Variants in ENAM observed in about 807,000 individuals in gnomAD.
The protein encoded by ENAM is enamelin, also known as amelogenesis imperfecta 2, hypocalcification (autosomal dominant).
ENAM carries 21 observed loss-of-function variants against 33.6 expected under a neutral mutation model. That is an observed-to-expected ratio of 0.63 (90% confidence interval 0.44 to 0.90). The LOEUF is 0.90. Among genes scored for constraint, ENAM ranks in the 40% least tolerant of loss-of-function variants. The pLI is 0.00. For synonymous variants in ENAM, 473 were observed against 468.4 expected, an observed-to-expected ratio of 1.01 and a Z score of -0.13; for missense variants, 1,388 against 1,366.9, an observed-to-expected ratio of 1.02 and a Z score of -0.24.
intron 2 of ENAM, among the ~76,000 whole-genome samples, chr4:70,630,685 T>C (rs192056818): frequency 6.6e-5 from 10 of 152,228 alleles, no homozygotes; most frequent in Admixed American, 2.6e-4. Context: ...GAGATAAATT[T>C]ACTATTCTGC....
Position 70,642,680 on chromosome 4 carries a change from C to A in ENAM, c.1254C>A (p.Ala418=). The A allele has an allele frequency of 1.2e-6, 2 of 1,610,474 alleles. No homozygotes were observed. The highest frequency in any genetic ancestry group is 1.7e-6 in the Non-Finnish European group (2 of 1,178,720). ...PNKHPVGTTV[A]PLGPKPGPVV... is the part of the protein sequence containing the mutation. ...AACACCCTGTAGGAACTACTGTTGC[C>A]CCACTGGGTCCCAAACCTGGCCCTG... The change falls in exon 9 of 9, where the codon GCC becomes GCA. Residue 418 remains alanine, a synonymous_variant. Coordinates refer to ENST00000396073, the MANE Select transcript of ENAM (RefSeq NM_031889.3).
chr4:70,629,557 G>A lies in ENAM; in HGVS notation c.54+3G>A, dbSNP rs777978626. 1 of 1,609,884 alleles carries A rather than the reference G, an allele frequency of 6.2e-7. No individual in the cohort carries two copies. Among genetic ancestry groups the A allele is most frequent in the Non-Finnish European group, 8.5e-7 (1 of 1,176,350 alleles). On this transcript the variant is annotated splice_donor_region_variant and intron_variant, in intron 2 of 8. Coordinates refer to ENST00000396073, the MANE Select transcript of ENAM (RefSeq NM_031889.3). The stretch of plus-strand genomic sequence containing the variant: ...CTTTTCCTAAACTAGATAACTTGGT[G>A]AGTACTTTCATTTATTTTTGCCAAT...
Position 70,645,187 on chromosome 4 carries a change from C to A in ENAM, c.*332C>A. The A allele has an allele frequency of 4.0e-6, 2 of 500,366 alleles. No homozygotes were observed. Among genetic ancestry groups the A allele is most frequent in the Non-Finnish European group, 7.1e-6 (2 of 280,382 alleles). 31.0% of individuals were successfully genotyped at this position (500,366 alleles called of 1,614,324 possible). The stretch of plus-strand genomic sequence containing the variant: ...TTTTGCTCTCAAAGTTCCATACTTG[C>A]AAAATTGGTTTTTCAAGACTGAAAG... On this transcript the variant is annotated 3_prime_UTR_variant, in exon 9 of 9. Transcript: ENST00000396073.
chr4:70,637,505 T>C (rs1738481494), intron 7 of ENAM, among the ~76,000 whole-genome samples: 1 of 152,014 alleles, frequency 6.6e-6, no homozygotes, highest in African/African-American at 2.4e-5. Context: ...TTTTTGAGTG[T>C]TGGAGGTGGT....
At chr4:70,629,244 T>C (rs1356947381) in intron 1 of ENAM, among the ~76,000 whole-genome samples, 197 bp from the exon 2 acceptor site, 1 of 152,132 alleles carries the variant, frequency 6.6e-6, no homozygotes, top group Non-Finnish European at 1.5e-5. Context: ...CCTAGAAGTA[T>C]CTCAAAATAC....
At chr4:70,637,979 A>T in intron 8 of ENAM, 136 bp downstream of exon 8, 2 of 717,950 alleles carry the variant, frequency 2.8e-6, no homozygotes, top group Admixed American at 4.8e-5. Flanking sequence ...TTTAGAAAAT[A>T]AAAAAGTTAA....
chr4:70,634,132 T>G (rs190789118), intron 5 of ENAM, among the ~76,000 whole-genome samples, 176 bp from the exon 6 acceptor site: 75 of 152,318 alleles, frequency 4.9e-4, no homozygotes, highest in Middle Eastern at 3.4e-3. Flanking sequence ...CGGAAGTTCA[T>G]TCTGTAAGAC....
intron 2 of ENAM, 120 bp from the exon 3 acceptor site, chr4:70,631,550 G>A: frequency 1.3e-6 from 1 of 776,736 alleles, no homozygotes; most frequent in Non-Finnish European, 2.3e-6. Flanking sequence ...TGGCAGCAGG[G>A]GCCCCATCCA....
chr4:70,637,957 G>T, intron 8 of ENAM, 114 bp downstream of exon 8: 1 of 829,718 alleles, frequency 1.2e-6, no homozygotes. Context: ...TGTAGCTCAA[G>T]CTTCCGTGAT....
chr4:70,639,881 C>G (rs1738555328), intron 8 of ENAM, among the ~76,000 whole-genome samples: 1 of 152,146 alleles, frequency 6.6e-6, no homozygotes, highest in Non-Finnish European at 1.5e-5. Context: ...AAAGAAAAAC[C>G]CTGTCTCAAA....
chr4:70,635,756 T>C, intron 6 of ENAM, 76 bp from the exon 7 acceptor site: 2 of 925,028 alleles, frequency 2.2e-6, no homozygotes, highest in Non-Finnish European at 3.6e-6. Flanking sequence ...GTTTCAATTG[T>C]ATTTAGTTAG....
chr4:70,631,534 T>A (rs1377806777), intron 2 of ENAM, 136 bp from the exon 3 acceptor site: 14 of 707,516 alleles, frequency 2.0e-5, no homozygotes, highest in Non-Finnish European at 3.6e-5. Context: ...TGACATAAAA[T>A]AAAACTGGCA....
At chr4:70,636,041 T>C (rs1053958206) in intron 7 of ENAM, 147 bp downstream of exon 7, 12 of 468,350 alleles carry the variant, frequency 2.6e-5, no homozygotes, top group East Asian at 2.3e-4. Context: ...TCAGTAATCA[T>C]GCAGAAAAAG....
At position 70,642,737 on chromosome 4, in the gene ENAM, G is replaced by A; in HGVS notation, c.1311G>A (p.Lys437=). ...GCAATGAAAAAATCCAAAATCCAAA[G>A]GAGAAGCCCCTGGGTCCAAAAGAAC... ...VVRNEKIQNP[K]EKPLGPKEQI... is the part of the protein sequence containing the mutation. The change falls in exon 9 of 9, where the codon AAG becomes AAA. Residue 437 remains lysine, a synonymous_variant. Transcript: ENST00000396073. 1 of 1,607,260 alleles carries A rather than the reference G, an allele frequency of 6.2e-7. No homozygotes were observed. Among genetic ancestry groups the A allele is most frequent in the Non-Finnish European group, 8.5e-7 (1 of 1,177,802 alleles).
At chr4:70,638,449 CTTTTTTTTTTTTTT>C (rs766513652) in intron 8 of ENAM, among the ~76,000 whole-genome samples, 2 of 58,902 alleles carry the variant, frequency 3.4e-5, no homozygotes, top group African/African-American at 1.6e-4. Flanking sequence ...ACAGATTGTT[CTTTTTTTTTTTTTT>C]TTTTTTTTTT....
Position 70,643,819 on chromosome 4 carries a change from C to G in ENAM, c.2393C>G (p.Ala798Gly), listed in dbSNP as rs769365922. The change falls in exon 9 of 9, where the codon GCT (alanine) becomes GGT (glycine). Residue 798 changes from alanine (A) to glycine (G), a missense_variant. Physicochemically the swap from Ala to Gly is moderately conservative, Grantham distance 60 (BLOSUM62 0). Coordinates refer to ENST00000396073, the MANE Select transcript of ENAM (RefSeq NM_031889.3). ...DQATHLQKAPARPPDQKGNQP... is the reference protein window; with the variant it reads ...DQATHLQKAPGRPPDQKGNQP... ...GCAACACATTTACAAAAAGCCCCAG[C>G]TAGGCCACCAGACCAGAAAGGTAAC... 1.4e-5 allele frequency: 22 copies of G among 1,614,046 alleles called. No homozygotes were observed. Among genetic ancestry groups the G allele is most frequent in the Middle Eastern group, 3.3e-4 (2 of 6,084 alleles).
chr4:70,636,991 T>C (rs970792141), intron 7 of ENAM, among the ~76,000 whole-genome samples: 7 of 152,222 alleles, frequency 4.6e-5, no homozygotes, highest in South Asian at 2.1e-4. Flanking sequence ...CATTCAGCTA[T>C]GACATAGGTT....
At position 70,644,141 on chromosome 4, in the gene ENAM, C is replaced by T. The variant is rs1738691919; in HGVS notation, c.2715C>T (p.Asp905=). 4 of 1,614,108 alleles carry T rather than the reference C, an allele frequency of 2.5e-6. No homozygotes were observed. Among genetic ancestry groups the T allele is most frequent in the African/African-American group, 1.3e-5 (1 of 75,004 alleles). Residue 905 remains aspartate, a synonymous_variant, in exon 9 of 9, where the codon GAC becomes GAT. Transcript: ENST00000396073. The part of the protein sequence containing the change: ...SYGLAPGENQ[D]TSPLYTDGSH... ...GTCTTGCACCTGGGGAGAACCAAGA[C>T]ACCAGTCCTCTGTATACAGACGGTA... is the stretch of plus-strand genomic sequence containing the variant.
rs34852006 is a variant in ENAM at position 70,642,371 on chromosome 4, T to C, written c.945T>C (p.Asn315=). ...SQIPWRPSQP[N]IRENHPYPNI... is the part of the protein sequence containing the mutation. ...TCCCATGGAGACCAAGTCAGCCAAA[T>C]ATTCGTGAAAATCATCCATATCCTA... The change falls in exon 9 of 9, where the codon AAT becomes AAC. Residue 315 remains asparagine (N), a synonymous_variant. Coordinates refer to ENST00000396073, the MANE Select transcript of ENAM (RefSeq NM_031889.3). 3.3e-4 allele frequency: 526 copies of C among 1,614,178 alleles called. 4 individuals carry two copies. The African/African-American group carries it at 6.1e-3, about 19-fold the overall frequency.
Sources: gnomAD v4.1 joint callset for allele counts (sites outside exome capture counted in the v4.1 genomes callset) on GRCh38, gnomAD v4.1.1 for gene constraint, MANE v1.5 for transcripts, NCBI Gene and HGNC (gene_info 2026-07-23, HGNC 2026-07-21) for gene names.